Variants in NFXL1 observed in about 807,000 individuals in gnomAD.
NFXL1 encodes NF-X1-type zinc finger protein NFXL1.
A neutral mutation model predicts 123.3 loss-of-function variants in NFXL1; 66 were observed. The ratio of observed to expected loss-of-function variants is 0.54; its 90% CI spans 0.44 to 0.66. The LOEUF is 0.66. NFXL1 is among the 30% of genes least tolerant of loss of function. The pLI, the probability that NFXL1 is intolerant of heterozygous loss-of-function variation, is 0.00. For missense variants in NFXL1, 944 were observed against 1,125.6 expected (o/e 0.84, Z 2.31); for synonymous variants, 346 against 360.8 (o/e 0.96, Z 0.46).
At position 47,890,623 on chromosome 4, in the gene NFXL1, G is replaced by A. The variant is rs754207105; in HGVS notation, c.1533C>T (p.Val511=). 4 of 1,584,398 alleles carry A rather than the reference G, an allele frequency of 2.5e-6. No individual in the cohort carries two copies. In the South Asian group the frequency reaches 4.4e-5, roughly 18 times the overall value. Reference sequence around the variant, plus strand: ...ATTATTAAAGTTTACCTCTGTGACAGACAGATGGACACTTATGGTTTCTAC... The same window carrying A: ...ATTATTAAAGTTTACCTCTGTGACAAACAGATGGACACTTATGGTTTCTAC... The part of the protein sequence containing the change: ...LGCRNHKCPS[V]CHRGSCYPCP... Residue 511 remains valine (V), a synonymous_variant, in exon 12 of 23, where the codon GTC becomes GTT. Transcript: ENST00000507489.
Position 47,903,272 on chromosome 4 carries a change from T to C in NFXL1, c.568A>G (p.Lys190Glu). 1.3e-6 allele frequency: 2 copies of C among 1,598,764 alleles called. No individual in the cohort carries two copies. The highest frequency in any genetic ancestry group is 2.2e-5 in the South Asian group (2 of 89,350). ...FCIFHMPCIQKWAKDSQFLVS... is the reference protein window; with the variant it reads ...FCIFHMPCIQEWAKDSQFLVS... ...AGAAACTGGCTGTCTTTAGCCCACT[T>C]CTGGATACAGGGCATGTGAAATATA... The change falls in exon 5 of 23, where the codon AAG becomes GAG. Residue 190 changes from lysine (K) to glutamate (E), a missense_variant. Physicochemically the swap from Lys to Glu is moderately conservative, Grantham distance 56. Transcript: ENST00000507489.
At chr4:47,869,990 T>C (rs1048691889) in intron 18 of NFXL1, among the ~76,000 whole-genome samples, 12 of 152,052 alleles carry the variant, frequency 7.9e-5, no homozygotes, top group African/African-American at 2.2e-4. Flanking sequence ...AGGAAAATAA[T>C]AGTTTTCCAA....
chr4:47,854,132 A>G (rs1413496808), intron 20 of NFXL1, among the ~76,000 whole-genome samples: 1 of 152,154 alleles, frequency 6.6e-6, no homozygotes, highest in African/African-American at 2.4e-5. Context: ...CCAAGTGTAT[A>G]AATTTAAATT....
At chr4:47,876,027 T>C (rs1414953155) in intron 17 of NFXL1, among the ~76,000 whole-genome samples, 1 of 152,132 alleles carries the variant, frequency 6.6e-6, no homozygotes, top group African/African-American at 2.4e-5. Flanking sequence ...ACATGGATAC[T>C]AAATCTTAAA....
At chr4:47,913,929 G>A (rs1737973446) in intron 2 of NFXL1, 40 bp downstream of exon 2, 2 of 1,437,008 alleles carry the variant, frequency 1.4e-6, no homozygotes, top group Non-Finnish European at 9.5e-7. Context: ...ACTGCCTTAG[G>A]AGGCATCCAG....
chr4:47,861,711 G>T (rs1386219157), intron 19 of NFXL1, among the ~76,000 whole-genome samples: 1 of 152,140 alleles, frequency 6.6e-6, no homozygotes, highest in Admixed American at 6.5e-5. Flanking sequence ...CACTTATAAA[G>T]ACAGGATTAT....
intron 3 of NFXL1, among the ~76,000 whole-genome samples, chr4:47,906,908 G>GT (rs1200876783): frequency 6.6e-6 from 1 of 152,204 alleles, no homozygotes; most frequent in African/African-American, 2.4e-5. Context: ...AGAAAAATGA[G>GT]TATGTGGAGG....
intron 18 of NFXL1, among the ~76,000 whole-genome samples, chr4:47,863,451 G>A (rs889598868): frequency 6.6e-6 from 1 of 152,110 alleles, no homozygotes; most frequent in African/African-American, 2.4e-5. Flanking sequence ...GGAGACTAAG[G>A]CAGGTGGATC....
intron 18 of NFXL1, among the ~76,000 whole-genome samples, chr4:47,874,393 T>C (rs2110064598): frequency 6.6e-6 from 1 of 152,312 alleles, no homozygotes; most frequent in East Asian, 1.9e-4. Context: ...GAGTTATTAA[T>C]TGGCCTAATT....
chr4:47,847,579 G>A lies in NFXL1; in HGVS notation c.*584C>T, dbSNP rs1391726359. The A allele has an allele frequency of 6.6e-6, 1 of 152,340 alleles. No homozygotes were observed. Among genetic ancestry groups the A allele is most frequent in the Non-Finnish European group, 1.5e-5 (1 of 68,028 alleles). The allele number at this position is 152,340 out of a possible 1,614,324, so 9.4% of individuals were successfully genotyped here. A position where few individuals can be genotyped will look rare whatever the true frequency, so the allele number is the denominator to read the frequency against. On this transcript the variant is annotated 3_prime_UTR_variant, in exon 23 of 23. Transcript: ENST00000507489. ...AGCCACATGTGAGGAATCTAGCCTG[G>A]CATTTGTTGAAAATAACTATATATT...
At chr4:47,903,785 A>G (rs1737449116) in intron 4 of NFXL1, among the ~76,000 whole-genome samples, 1 of 152,190 alleles carries the variant, frequency 6.6e-6, no homozygotes, top group African/African-American at 2.4e-5. Context: ...ATAAATATGT[A>G]CATATATCTC....
At chr4:47,876,995 A>G (rs1669973046) in intron 17 of NFXL1, 2 of 1,115,788 alleles carry the variant, frequency 1.8e-6, no homozygotes, top group African/African-American at 1.6e-5. Context: ...AAATATGCAA[A>G]AAGAACCAAA....
At chr4:47,905,436 C>A in intron 3 of NFXL1, 90 bp from the exon 4 acceptor site, 1 of 604,998 alleles carries the variant, frequency 1.7e-6, no homozygotes, top group Admixed American at 2.6e-5. Context: ...TAAGAACTGT[C>A]TAGCAATATC....
At chr4:47,853,428 T>C (rs1252786054) in intron 20 of NFXL1, among the ~76,000 whole-genome samples, 2 of 152,028 alleles carry the variant, frequency 1.3e-5, no homozygotes, top group African/African-American at 4.8e-5. Context: ...CTATAAACTC[T>C]ATTTTACAGA....
At chr4:47,851,240 A>G (rs781076910) in intron 21 of NFXL1, 92 bp from the exon 22 acceptor site, 195 of 870,660 alleles carry the variant, frequency 2.2e-4, no homozygotes, top group African/African-American at 5.7e-4. Context: ...CTATTAACCC[A>G]TATCAACTTT....
At chr4:47,911,043 G>T (rs1578045611) in intron 2 of NFXL1, 49 bp from the exon 3 acceptor site, 1 of 1,178,428 alleles carries the variant, frequency 8.5e-7, no homozygotes, top group East Asian at 2.5e-5. Flanking sequence ...CTCTCAAAAA[G>T]AAAAGCATAA....
intron 2 of NFXL1, among the ~76,000 whole-genome samples, chr4:47,911,289 C>T (rs1737817396): frequency 6.6e-6 from 1 of 152,086 alleles, no homozygotes; most frequent in Non-Finnish European, 1.5e-5. Context: ...TATCAAAATA[C>T]TGGTGATCAA....
At chr4:47,896,807 A>G in intron 9 of NFXL1, 160 bp from the exon 10 acceptor site, 1 of 556,148 alleles carries the variant, frequency 1.8e-6, no homozygotes, top group Non-Finnish European at 3.2e-6. Context: ...AATGAAAATA[A>G]TCCCTAATAT....
intron 15 of NFXL1, among the ~76,000 whole-genome samples, chr4:47,882,944 T>C (rs1560593546): frequency 6.6e-6 from 1 of 152,230 alleles, no homozygotes; most frequent in African/African-American, 2.4e-5. Flanking sequence ...CTAAAAATTC[T>C]AGTACAATCT....
Sources: gnomAD v4.1 joint callset for allele counts (sites outside exome capture counted in the v4.1 genomes callset) on GRCh38, gnomAD v4.1.1 for gene constraint, MANE v1.5 for transcripts, NCBI Gene and HGNC (gene_info 2026-07-23, HGNC 2026-07-21) for gene names.